MROH9: variants seen among roughly 807,000 people sequenced by gnomAD.
The protein encoded by MROH9 is maestro heat like repeat family member 9.
A neutral mutation model predicts 98.2 loss-of-function variants in MROH9; 92 were observed. The observed-to-expected ratio is 0.94, with a 90% CI of 0.79 to 1.11. The LOEUF is 1.11. Among genes scored for constraint, MROH9 ranks in the 50% most tolerant of loss-of-function variants. MROH9 has a pLI of 0.00. For missense variants in MROH9, 1,057 were observed against 1,014.8 expected, an observed-to-expected ratio of 1.04 and a Z score of -0.57; for synonymous variants, 397 against 368.9, an observed-to-expected ratio of 1.08 and a Z score of -0.87.
chr1:170,970,729 TGTGAGA>T (rs1243783866), intron 7 of MROH9, among the ~76,000 whole-genome samples: 35 of 102,146 alleles, frequency 3.4e-4, no homozygotes, highest in African/African-American at 9.9e-4. Context: ...TGTGTGTGTG[TGTGAGA>T]GAGAGAGAGA....
At chr1:170,982,347 A>G (rs923186031) in intron 8 of MROH9, among the ~76,000 whole-genome samples, 1 of 152,158 alleles carries the variant, frequency 6.6e-6, no homozygotes, top group Non-Finnish European at 1.5e-5. Flanking sequence ...AATCCCCCCA[A>G]AAAAGAGTAT....
At chr1:170,964,353 AG>A (rs1460556824) in intron 6 of MROH9, among the ~76,000 whole-genome samples, 32 of 67,060 alleles carry the variant, frequency 4.8e-4, no homozygotes, top group African/African-American at 2.8e-3. Context: ...AGGACAAGGC[AG>A]AGAGGCTGAC....
intron 20 of MROH9, among the ~76,000 whole-genome samples, chr1:171,039,231 A>C (rs1307234677): frequency 2.6e-5 from 4 of 152,210 alleles, no homozygotes; most frequent in Admixed American, 1.3e-4. Context: ...GTCTTTTTGC[A>C]TAATGTTTCC....
At chr1:171,063,584 T>C (rs1654076711) in intron 21 of MROH9, among the ~76,000 whole-genome samples, 1 of 152,164 alleles carries the variant, frequency 6.6e-6, no homozygotes, top group Admixed American at 6.6e-5. Flanking sequence ...TGAAAGCTAT[T>C]ATATATTTTT....
intron 8 of MROH9, among the ~76,000 whole-genome samples, chr1:170,975,769 T>C (rs1423703126): frequency 6.6e-6 from 1 of 152,202 alleles, no homozygotes; most frequent in African/African-American, 2.4e-5. Context: ...CTCACTATTA[T>C]TGTGTGGGAG....
At chr1:170,986,851 T>C in intron 10 of MROH9, 141 bp downstream of exon 10, 1 of 968,882 alleles carries the variant, frequency 1.0e-6, no homozygotes, top group Non-Finnish European at 1.5e-6. Flanking sequence ...AGGCTTTTGG[T>C]TTTTTAAATT....
chr1:170,964,587 A>T (rs1349874577), intron 6 of MROH9, among the ~76,000 whole-genome samples: 1 of 152,078 alleles, frequency 6.6e-6, no homozygotes, highest in Non-Finnish European at 1.5e-5. Flanking sequence ...TCTGAGGATT[A>T]AGAACAGCTA....
At chr1:171,000,576 C>G (rs1402654818) in intron 15 of MROH9, among the ~76,000 whole-genome samples, 2 of 152,060 alleles carry the variant, frequency 1.3e-5, no homozygotes, top group Admixed American at 6.6e-5. Context: ...TCCCTGCATA[C>G]CTGGTATGAA....
At chr1:170,997,289 A>G (rs1471539065) in intron 14 of MROH9, among the ~76,000 whole-genome samples, 1 of 152,042 alleles carries the variant, frequency 6.6e-6, no homozygotes, top group African/African-American at 2.4e-5. Context: ...TTGCAAATGG[A>G]TTTCAGGAAC....
At chr1:170,936,695 A>T (rs1161792752) in intron 1 of MROH9, among the ~76,000 whole-genome samples, 1 of 152,236 alleles carries the variant, frequency 6.6e-6, no homozygotes, top group Non-Finnish European at 1.5e-5. Flanking sequence ...GTCAATAAGA[A>T]GCTCATAATT....
chr1:171,060,466 G>A (rs1029337558), intron 20 of MROH9, among the ~76,000 whole-genome samples: 1 of 152,146 alleles, frequency 6.6e-6, no homozygotes, highest in Non-Finnish European at 1.5e-5. Context: ...TAAAACTTAA[G>A]TGTTCAAGAA....
chr1:171,062,060 A>G, intron 20 of MROH9, 72 bp from the exon 21 acceptor site: 2 of 951,000 alleles, frequency 2.1e-6, no homozygotes, highest in Non-Finnish European at 3.3e-6. Context: ...CAAAGAAGGT[A>G]GCCAGATAAC....
intron 8 of MROH9, among the ~76,000 whole-genome samples, chr1:170,976,393 T>C (rs1650689503): frequency 6.6e-6 from 1 of 152,166 alleles, no homozygotes; most frequent in Non-Finnish European, 1.5e-5. Flanking sequence ...TTATTTCTCC[T>C]TCACTTAGGA....
chr1:170,990,750 C>T (rs1651327036), intron 11 of MROH9, among the ~76,000 whole-genome samples: 1 of 152,086 alleles, frequency 6.6e-6, no homozygotes, highest in African/African-American at 2.4e-5. Flanking sequence ...TTTTATGTGA[C>T]ATTATGCAAG....
At chr1:170,958,852 C>A (rs941634473) in intron 4 of MROH9, among the ~76,000 whole-genome samples, 3 of 152,164 alleles carry the variant, frequency 2.0e-5, no homozygotes, top group Non-Finnish European at 2.9e-5. Flanking sequence ...TATATCTCAA[C>A]TGTTTAAAGC....
chr1:170,957,731 C>T (rs1016789606), intron 3 of MROH9, among the ~76,000 whole-genome samples: 1 of 151,588 alleles, frequency 6.6e-6, no homozygotes, highest in African/African-American at 2.4e-5. Flanking sequence ...ATTCTCATTC[C>T]ATAGTGTAAG....
At chr1:170,957,795 G>GTTTTTTTTTTTTTTTTTTTT (rs71573033) in intron 3 of MROH9, among the ~76,000 whole-genome samples, 1 of 124,648 alleles carries the variant, frequency 8.0e-6, no homozygotes, top group Admixed American at 8.3e-5. Context: ...GCATTTTTTT[G>GTTTTTTTTTTTTTTTTTTTT]TTTTTTTTTT....
intron 20 of MROH9, among the ~76,000 whole-genome samples, chr1:171,044,284 G>A (rs1241199909): frequency 6.6e-6 from 1 of 152,112 alleles, no homozygotes; most frequent in Non-Finnish European, 1.5e-5. Flanking sequence ...TACCAATGTT[G>A]AGCCATCTTT....
At chr1:171,033,723 C>T (rs1653005833) in intron 20 of MROH9, among the ~76,000 whole-genome samples, 3 of 151,930 alleles carry the variant, frequency 2.0e-5, no homozygotes, top group Admixed American at 2.0e-4. Flanking sequence ...TGTTTCTATT[C>T]GGCCATCTAT....
Sources: allele counts gnomAD v4.1 joint callset (sites outside exome capture counted in the v4.1 genomes callset), GRCh38; gene constraint gnomAD v4.1.1; transcripts MANE v1.5; gene names NCBI Gene and HGNC (gene_info 2026-07-23, HGNC 2026-07-21).